STARD13: variants seen among roughly 807,000 people sequenced by gnomAD.
STARD13 encodes the protein StAR related lipid transfer domain containing 13, also known as stAR-related lipid transfer protein 13.
Under a neutral mutation model 106.4 loss-of-function variants are expected in STARD13, and 62 were observed. That is an observed-to-expected ratio of 0.58 (90% CI 0.48 to 0.72). The LOEUF (loss-of-function observed/expected upper bound fraction) is 0.72. STARD13 is among the 30% of genes least tolerant of loss of function. The probability of loss-of-function intolerance (pLI) is 0.00; values close to 1 mark genes in which losing one functional copy is unlikely to be tolerated. For missense variants in STARD13, 1,387 were observed against 1,424.0 expected (o/e 0.97, Z 0.42); for synonymous variants, 565 against 553.0 (o/e 1.02, Z -0.31).
the STARD13 span, among the ~76,000 whole-genome samples, chr13:33,492,762 A>G: frequency 7.2e-5 from 11 of 152,184 alleles, no homozygotes; most frequent in Admixed American, 1.3e-4. Context: ...TGCTCTGTCT[A>G]TGGACTAGCC....
At chr13:33,589,984 G>A in the STARD13 span, among the ~76,000 whole-genome samples, 2 of 152,130 alleles carry the variant, frequency 1.3e-5, no homozygotes, top group African/African-American at 2.4e-5. Context: ...TGGGTGCTCC[G>A]GTATTGGGTG....
intron 4 of STARD13, among the ~76,000 whole-genome samples, chr13:33,131,806 A>T (rs1236910538): frequency 2.0e-5 from 3 of 152,174 alleles, no homozygotes; most frequent in Non-Finnish European, 4.4e-5. Flanking sequence ...CAGTCTACTT[A>T]CCCTCTCTAA....
rs1215427710 is a variant in STARD13, at chr13:33,282,602, T to C, written c.169+2868A>G. ...TAAATCAAATTAACATAATTCTAAA[T>C]CTTAAAGCTCTAAAGTAGAATAATG... On this transcript the variant is annotated intron_variant, in intron 1 of 13. Transcript: ENST00000336934. Among the ~76,000 whole-genome samples the C allele has an allele frequency of 3.3e-5, 5 of 152,214 alleles. No individual in the cohort carries two copies. The East Asian group carries it at 9.6e-4, about 29-fold the overall frequency.
the STARD13 span, among the ~76,000 whole-genome samples, chr13:33,539,544 T>C: frequency 6.6e-6 from 1 of 152,232 alleles, no homozygotes; most frequent in Non-Finnish European, 1.5e-5. Flanking sequence ...AGAACAGACA[T>C]ATTTATCAAT....
the STARD13 span, among the ~76,000 whole-genome samples, chr13:33,422,914 C>T: frequency 6.6e-6 from 1 of 152,144 alleles, no homozygotes; most frequent in Non-Finnish European, 1.5e-5. Flanking sequence ...GAAACTGGAT[C>T]CCTTCCTTAC....
At chr13:33,640,354 T>C in the STARD13 span, among the ~76,000 whole-genome samples, 1 of 152,236 alleles carries the variant, frequency 6.6e-6, no homozygotes, top group African/African-American at 2.4e-5. Context: ...TAGCCTGTAA[T>C]TGGAATATAA....
chr13:33,352,969 C>T (rs1295001407), upstream of STARD13, among the ~76,000 whole-genome samples: 3 of 152,210 alleles, frequency 2.0e-5, no homozygotes, highest in African/African-American at 4.8e-5. Context: ...CCCTACCTAC[C>T]TTCTTGCTTA....
At chr13:33,163,609 T>TATATATATATAAAACATATATATATAAC (rs1882917196) in intron 3 of STARD13, among the ~76,000 whole-genome samples, 1 of 71,510 alleles carries the variant, frequency 1.4e-5, no homozygotes, top group Non-Finnish European at 3.4e-5. Context: ...AAAAAAAATA[T>TATATATATATAAAACATATATATATAAC]ATATATATAT....
the STARD13 span, among the ~76,000 whole-genome samples, chr13:33,456,038 AAT>A: frequency 6.6e-6 from 1 of 152,232 alleles, no homozygotes; most frequent in Non-Finnish European, 1.5e-5. Context: ...TCCAAATTTC[AAT>A]GTCCATGAAT....
In STARD13 at chr13:33,110,670, C is replaced by T. The variant is rs762623696; in HGVS notation, c.2829+16G>A. The stretch of plus-strand genomic sequence containing the variant: ...TGGCTTTCTGGGGGTGATCTTTTTC[C>T]ATCCTCTGAGATTACCTTTTTGAAA... On this transcript the variant is annotated intron_variant, in intron 11 of 13. Transcript: ENST00000336934. The T allele has an allele frequency of 1.2e-6, 2 of 1,606,650 alleles. No homozygotes were observed. The highest frequency in any genetic ancestry group is 4.5e-5 in the East Asian group (2 of 44,850).
intron 1 of STARD13, among the ~76,000 whole-genome samples, chr13:33,338,670 T>C (rs973709106): frequency 6.6e-6 from 1 of 151,822 alleles, no homozygotes; most frequent in Non-Finnish European, 1.5e-5. Context: ...GTTTATAAGA[T>C]ATAGGAGATC....
chr13:33,625,980 T>C, the STARD13 span, among the ~76,000 whole-genome samples: 1 of 152,228 alleles, frequency 6.6e-6, no homozygotes, highest in Non-Finnish European at 1.5e-5. Flanking sequence ...TTCTTAAATG[T>C]ATATTTCTCC....
rs1429910157 is a variant in STARD13, at chr13:33,129,871, T to C, written c.806A>G (p.Lys269Arg). The change falls in exon 5 of 14, where the codon AAG (lysine) becomes AGG (arginine). Residue 269 changes from lysine (K) to arginine (R), a missense_variant. Physicochemically the swap from Lys to Arg is conservative, Grantham distance 26. Coordinates refer to ENST00000336934, the MANE Select transcript of STARD13 (RefSeq NM_178006.4). ...CCCCTTATGCCTCCCGTGGGCTCCC[T>C]TCCCTCGGAGTGTTTCCATGCGTTT... ...FLKRMETLRG[K>R]GAHGRHKGSG... 6.2e-7 allele frequency: 1 copy of C among 1,613,060 alleles called. No homozygotes were observed. The highest frequency in any genetic ancestry group is 1.7e-5 in the Admixed American group (1 of 60,030).
At chr13:33,430,358 C>T in the STARD13 span, among the ~76,000 whole-genome samples, 8 of 152,274 alleles carry the variant, frequency 5.3e-5, no homozygotes, top group South Asian at 4.1e-4. Flanking sequence ...ATCTCATAAA[C>T]ATATACACAT....
intron 1 of STARD13, among the ~76,000 whole-genome samples, chr13:33,256,405 A>G (rs12871317): frequency 0.64 from 97,576 of 151,958 alleles, 31,791 homozygotes; most frequent in African/African-American, 0.69. Flanking sequence ...GCAAATGATC[A>G]CCAGGTACCC....
the STARD13 span, among the ~76,000 whole-genome samples, chr13:33,485,240 T>C: frequency 2.6e-5 from 4 of 152,232 alleles, no homozygotes; most frequent in Non-Finnish European, 2.9e-5. Flanking sequence ...ACTGTCTAGT[T>C]CTTCTGAAAC....
intron 1 of STARD13, among the ~76,000 whole-genome samples, chr13:33,332,786 A>G (rs2077851904): frequency 6.6e-6 from 1 of 152,176 alleles, no homozygotes; most frequent in South Asian, 2.1e-4. Context: ...ACTTACATAT[A>G]GTTATTATTG....
chr13:33,132,166 A>G (rs1380601166), intron 4 of STARD13, among the ~76,000 whole-genome samples: 2 of 152,220 alleles, frequency 1.3e-5, no homozygotes, highest in African/African-American at 4.8e-5. Flanking sequence ...GTACAAAGCC[A>G]AGGTACAGAA....
At chr13:33,131,203 T>G (rs12870542) in intron 4 of STARD13, among the ~76,000 whole-genome samples, 35,663 of 152,120 alleles carry the variant, frequency 0.23, 4,397 homozygotes, top group South Asian at 0.29. Flanking sequence ...CCTTCTGAAA[T>G]AAACTGAATC....
Sources: gnomAD v4.1 joint callset for allele counts (sites outside exome capture counted in the v4.1 genomes callset) on GRCh38, gnomAD v4.1.1 for gene constraint, MANE v1.5 for transcripts, NCBI Gene and HGNC (gene_info 2026-07-23, HGNC 2026-07-21) for gene names.